Variants in CCDC158 observed in about 807,000 individuals in gnomAD.
The protein encoded by CCDC158 is coiled-coil domain-containing protein 158.
In CCDC158, 116 loss-of-function variants were observed where a neutral mutation model predicts 138.6. The observed-to-expected ratio is 0.84, with a 90% CI of 0.72 to 0.98. The LOEUF is 0.98. Among genes scored for constraint, CCDC158 ranks in the 50% least tolerant of loss-of-function variants. The pLI, the probability that CCDC158 is intolerant of heterozygous loss-of-function variation, is 0.00. For synonymous variants in CCDC158, 436 were observed against 442.4 expected (o/e 0.99, Z 0.18); for missense variants, 1,265 against 1,306.1 (o/e 0.97, Z 0.48).
chr4:76,322,926 C>T (rs1720165588), intron 24 of CCDC158, among the ~76,000 whole-genome samples: 1 of 152,122 alleles, frequency 6.6e-6, no homozygotes, highest in African/African-American at 2.4e-5. Context: ...TGCTTTCTTG[C>T]TATTGACTAT....
chr4:76,342,371 G>A (rs1205721684), intron 18 of CCDC158, among the ~76,000 whole-genome samples: 1 of 152,120 alleles, frequency 6.6e-6, no homozygotes, highest in African/African-American at 2.4e-5. Flanking sequence ...TAAACCATGT[G>A]TAAGTCACTT....
intron 9 of CCDC158, chr4:76,375,798 T>A: frequency 1.8e-6 from 1 of 560,390 alleles, no homozygotes; most frequent in Non-Finnish European, 3.2e-6. Context: ...GAAGTACAAT[T>A]TCTATGTTCA....
intron 24 of CCDC158, among the ~76,000 whole-genome samples, chr4:76,318,460 G>A (rs1719620518): frequency 6.6e-6 from 1 of 151,094 alleles, no homozygotes; most frequent in African/African-American, 2.4e-5. Flanking sequence ...ATTAAGCTAG[G>A]AAAAAAAACA....
chr4:76,335,936 C>G (rs1393061347), intron 18 of CCDC158, among the ~76,000 whole-genome samples: 1 of 151,750 alleles, frequency 6.6e-6, no homozygotes, highest in Non-Finnish European at 1.5e-5. Context: ...AATCCCAGCA[C>G]TTTGGGAGGC....
At chr4:76,392,908 A>C (rs946337902) in intron 4 of CCDC158, among the ~76,000 whole-genome samples, 1 of 151,312 alleles carries the variant, frequency 6.6e-6, no homozygotes, top group Non-Finnish European at 1.5e-5. Flanking sequence ...ATAAAATGAA[A>C]TACTAGGAAT....
intron 18 of CCDC158, among the ~76,000 whole-genome samples, chr4:76,335,283 G>A (rs1263833974): frequency 6.6e-6 from 1 of 152,078 alleles, no homozygotes; most frequent in South Asian, 2.1e-4. Flanking sequence ...ACGCTAATAT[G>A]CATAATACCC....
intron 4 of CCDC158, among the ~76,000 whole-genome samples, chr4:76,392,442 A>G (rs2109815435): frequency 6.6e-6 from 1 of 151,782 alleles, no homozygotes; most frequent in Middle Eastern, 3.4e-3. Context: ...ACAAAACTCA[A>G]AAAAAATGGG....
At chr4:76,371,390 T>C in intron 10 of CCDC158, 27 bp downstream of exon 10, 2 of 1,609,568 alleles carry the variant, frequency 1.2e-6, no homozygotes, top group Non-Finnish European at 1.7e-6. Flanking sequence ...GAATTAGTCT[T>C]ATTCATATTT....
At chr4:76,413,465 A>T (rs1416938189) in intron 1 of CCDC158, among the ~76,000 whole-genome samples, 1 of 146,890 alleles carries the variant, frequency 6.8e-6, no homozygotes, top group African/African-American at 2.6e-5. Context: ...ACAGAGTGAG[A>T]CCTTGTCTCA....
chr4:76,415,457 G>C (rs1031553252), intron 1 of CCDC158, among the ~76,000 whole-genome samples: 1 of 152,110 alleles, frequency 6.6e-6, no homozygotes, highest in Non-Finnish European at 1.5e-5. Context: ...CAAGGAGTCT[G>C]TGGGCGGCAA....
intron 24 of CCDC158, 72 bp downstream of exon 24, chr4:76,323,230 G>A: frequency 1.8e-6 from 2 of 1,089,176 alleles, no homozygotes; most frequent in South Asian, 2.9e-5. Flanking sequence ...TCTATAGACA[G>A]GAGGCTTAAT....
chr4:76,367,346 GC>G lies in CCDC158; in HGVS notation c.1777del (p.Ala593LeufsTer14), dbSNP rs1724777364. 1 of 1,613,952 alleles carries G rather than the reference GC, an allele frequency of 6.2e-7. No individual in the cohort carries two copies. Among genetic ancestry groups the G allele is most frequent in the African/African-American group, 1.3e-5 (1 of 75,042 alleles). ...ATCATTAATTTCTTTCTCCAGTTGA[GC>G]TTTTTCTACTTGCATAGCTCCAGCA... is the stretch of plus-strand genomic sequence containing the variant. ...RTAGAMQVEK[A>X]QLEKEINDRR... On this transcript the variant is annotated frameshift_variant, in exon 12 of 25. Coordinates refer to ENST00000682701, the MANE Select transcript of CCDC158 (RefSeq NM_001394954.1). LOFTEE classifies it high-confidence loss of function.
At chr4:76,324,348 C>T (rs552411256) in intron 23 of CCDC158, among the ~76,000 whole-genome samples, 81 of 152,004 alleles carry the variant, frequency 5.3e-4, no homozygotes, top group African/African-American at 7.0e-4. Context: ...CCACCACGCC[C>T]GGCTAATTTT....
intron 22 of CCDC158, among the ~76,000 whole-genome samples, chr4:76,327,379 T>C (rs960090075): frequency 7.2e-5 from 11 of 152,172 alleles, no homozygotes; most frequent in African/African-American, 2.7e-4. Context: ...GTTCTGAGAA[T>C]TGCGTTGTTA....
rs544169628 is a variant in CCDC158 at position 76,351,615 on chromosome 4, T to A, written c.2538+105A>T. The A allele has an allele frequency of 5.9e-6, 4 of 674,642 alleles. No homozygotes were observed. The South Asian group carries it at 7.1e-5, about 12-fold the overall frequency. 41.8% of individuals were successfully genotyped at this position (674,642 alleles called of 1,614,324 possible). On this transcript the variant is annotated intron_variant, in intron 17 of 24. Transcript: ENST00000682701. Reference sequence around the variant, plus strand: ...CATTGCTATTAATAGTATCAAGTAATGTTGAAATATACTTGAATGTGTATC... The same window carrying A: ...CATTGCTATTAATAGTATCAAGTAAAGTTGAAATATACTTGAATGTGTATC...
At chr4:76,347,599 C>T (rs865921599) in intron 18 of CCDC158, among the ~76,000 whole-genome samples, 1 of 152,060 alleles carries the variant, frequency 6.6e-6, no homozygotes, top group African/African-American at 2.4e-5. Flanking sequence ...GGAGAAATAC[C>T]TAATGTAGAT....
intron 22 of CCDC158, among the ~76,000 whole-genome samples, chr4:76,327,046 G>T (rs1266834341): frequency 6.6e-6 from 1 of 152,004 alleles, no homozygotes; most frequent in Non-Finnish European, 1.5e-5. Flanking sequence ...ATGAAAGTTG[G>T]AAGGATAGTG....
intron 18 of CCDC158, among the ~76,000 whole-genome samples, chr4:76,344,381 C>A (rs1722345953): frequency 6.6e-6 from 1 of 152,208 alleles, no homozygotes; most frequent in Non-Finnish European, 1.5e-5. Flanking sequence ...GCCATTAAAT[C>A]TTTTGAAGAG....
chr4:76,370,181 G>T (rs954382032), intron 10 of CCDC158, among the ~76,000 whole-genome samples: 1 of 152,142 alleles, frequency 6.6e-6, no homozygotes, highest in Non-Finnish European at 1.5e-5. Context: ...ACACTCAAAT[G>T]ACTTAGGATC....
Sources: allele counts gnomAD v4.1 joint callset (sites outside exome capture counted in the v4.1 genomes callset), GRCh38; gene constraint gnomAD v4.1.1; transcripts MANE v1.5; gene names NCBI Gene and HGNC (gene_info 2026-07-23, HGNC 2026-07-21).